CCAR1: variants seen among roughly 807,000 people sequenced by gnomAD.
CCAR1 encodes cell division cycle and apoptosis regulator protein 1.
In CCAR1, 78 loss-of-function variants were observed where a neutral mutation model predicts 163.8. That is an observed-to-expected ratio of 0.48 (90% CI 0.40 to 0.57). The LOEUF (loss-of-function observed/expected upper bound fraction) is 0.57, where lower values mean the gene tolerates loss of function less well. Among genes scored for constraint, CCAR1 ranks in the 20% least tolerant of loss-of-function variants. The probability of loss-of-function intolerance (pLI) is 0.00; values close to 1 mark genes in which losing one functional copy is unlikely to be tolerated. For synonymous variants in CCAR1, 443 were observed against 460.7 expected, an observed-to-expected ratio of 0.96 and a Z score of 0.49; for missense variants, 1,019 against 1,365.2, an observed-to-expected ratio of 0.75 and a Z score of 4.00.
chr10:68,742,367 G>GTTT lies in CCAR1; in HGVS notation c.325-7_325-5dup, dbSNP rs1454635743. 4.5e-6 allele frequency: 7 copies of GTTT among 1,571,556 alleles called. No individual in the cohort carries two copies. In the South Asian group the frequency reaches 8.2e-5, roughly 18 times the overall value. On this transcript the variant is annotated splice_polypyrimidine_tract_variant and intron_variant, in intron 5 of 24. Coordinates refer to ENST00000265872, the MANE Select transcript of CCAR1 (RefSeq NM_018237.4). ...ATTACCTTAATTTGATGTTGATTTT[G>GTTT]TTTTATAGCCAGCTGTTGCACTGCC...
chr10:68,771,597 C>G (rs548870765), intron 18 of CCAR1, 152 bp downstream of exon 18: 21 of 747,278 alleles, frequency 2.8e-5, no homozygotes, highest in Non-Finnish European at 4.0e-5. Context: ...TCACAGCTAA[C>G]ACAGTGAAAC....
At chr10:68,743,728 GTTTGTTTATTTATTTATTTA>G (rs1167540931) in intron 6 of CCAR1, among the ~76,000 whole-genome samples, 10 of 147,932 alleles carry the variant, frequency 6.8e-5, no homozygotes, top group South Asian at 2.2e-4. Context: ...TTATTTATTT[GTTTGTTTATTTATTTATTTA>G]TTTATTTATT....
intron 19 of CCAR1, among the ~76,000 whole-genome samples, chr10:68,782,844 C>G (rs746070721): frequency 6.6e-6 from 1 of 152,048 alleles, no homozygotes; most frequent in Non-Finnish European, 1.5e-5. Context: ...CTGTTGAGAT[C>G]TGCTCAGAAA....
At chr10:68,724,494 T>C (rs774667732) in intron 2 of CCAR1, among the ~76,000 whole-genome samples, 5 of 152,104 alleles carry the variant, frequency 3.3e-5, no homozygotes, top group Non-Finnish European at 7.4e-5. Context: ...CTCACTTTGT[T>C]ACCCAGGTGG....
At chr10:68,760,933 C>T in intron 15 of CCAR1, 74 bp from the exon 16 acceptor site, 1 of 510,748 alleles carries the variant, frequency 2.0e-6, no homozygotes, top group Non-Finnish European at 3.4e-6. Flanking sequence ...AGTTTGTTTC[C>T]TATTTCAATA....
chr10:68,762,473 A>C lies in CCAR1; in HGVS notation c.2106+1281A>C, dbSNP rs185373530. The stretch of plus-strand genomic sequence containing the variant: ...GATTGAGTCAAACCTTGAGACTCAG[A>C]CTATTTATTCAAGCTGTTTTATGCT... On this transcript the variant is annotated intron_variant, in intron 16 of 24. Transcript: ENST00000265872. Among the ~76,000 whole-genome samples the C allele has an allele frequency of 2.9e-3, 435 of 152,346 alleles. 3 individuals are homozygous for C. The highest frequency in any genetic ancestry group is 9.8e-3 in the African/African-American group (407 of 41,584).
chr10:68,772,859 C>G, intron 18 of CCAR1, 129 bp from the exon 19 acceptor site: 1 of 406,734 alleles, frequency 2.5e-6, no homozygotes, highest in Non-Finnish European at 4.4e-6. Context: ...GCCTATAATC[C>G]TAGCCCTTCA....
intron 12 of CCAR1, 66 bp from the exon 13 acceptor site, chr10:68,755,304 C>A: frequency 7.2e-7 from 1 of 1,396,014 alleles, no homozygotes; most frequent in Non-Finnish European, 1.0e-6. Flanking sequence ...CTTTCCTTCT[C>A]AAGTATCTTA....
At chr10:68,723,899 C>A (rs2055900281) in intron 2 of CCAR1, among the ~76,000 whole-genome samples, 2 of 151,626 alleles carry the variant, frequency 1.3e-5, no homozygotes, top group African/African-American at 4.8e-5. Flanking sequence ...TGGCTTGTGC[C>A]TGTAATCCCA....
At chr10:68,763,830 C>T (rs1008614737) in intron 16 of CCAR1, among the ~76,000 whole-genome samples, 1 of 152,140 alleles carries the variant, frequency 6.6e-6, no homozygotes, top group East Asian at 1.9e-4. Context: ...TTTGACATAC[C>T]TTCATCACTT....
chr10:68,722,750 C>T (rs774752744), intron 2 of CCAR1, among the ~76,000 whole-genome samples, 173 bp downstream of exon 2: 2 of 151,906 alleles, frequency 1.3e-5, no homozygotes, highest in Non-Finnish European at 2.9e-5. Context: ...GGTGAAACCC[C>T]GTCTCTACTA....
At chr10:68,782,170 C>G (rs1421908194) in intron 19 of CCAR1, among the ~76,000 whole-genome samples, 1 of 152,134 alleles carries the variant, frequency 6.6e-6, no homozygotes, top group Admixed American at 6.6e-5. Context: ...TAATTCTGAA[C>G]AAGGCCCTAA....
At position 68,766,087 on chromosome 10, in the gene CCAR1, T is replaced by A. The variant is rs2056531425; in HGVS notation, c.2298+8T>A. 3 of 1,570,992 alleles carry A rather than the reference T, an allele frequency of 1.9e-6. No individual in the cohort carries two copies. The highest frequency in any genetic ancestry group is 2.6e-6 in the Non-Finnish European group (3 of 1,142,062). The stretch of plus-strand genomic sequence containing the variant: ...AAAGAACATTCATTTGAGGTAATGT[T>A]TTAAGTTTGAAATAAGATCCATATA... On this transcript the variant is annotated splice_region_variant and intron_variant, in intron 17 of 24. Coordinates refer to ENST00000265872, the MANE Select transcript of CCAR1 (RefSeq NM_018237.4).
At chr10:68,779,739 T>G (rs1245948672) in intron 19 of CCAR1, among the ~76,000 whole-genome samples, 1 of 152,196 alleles carries the variant, frequency 6.6e-6, no homozygotes, top group Non-Finnish European at 1.5e-5. Flanking sequence ...TCAACATGAG[T>G]GATCATTCCA....
In CCAR1 at chr10:68,756,739, A is replaced by G. The variant is rs2056400661; in HGVS notation, c.1836+256A>G. ...TTAAATTGCACAGAATTTTGTTTTT[A>G]TCATAGGTCTAGTTGCTGGAATCTG... is the stretch of plus-strand genomic sequence containing the variant. On this transcript the variant is annotated intron_variant, in intron 14 of 24. Coordinates refer to ENST00000265872, the MANE Select transcript of CCAR1 (RefSeq NM_018237.4). The surrounding 1 kb of genome is among the most constrained non-coding windows in gnomAD (Gnocchi z 5.1). 5.7e-6 allele frequency: 3 copies of G among 522,254 alleles called. No individual in the cohort carries two copies. The highest frequency in any genetic ancestry group is 5.3e-5 in the Admixed American group (2 of 37,430). The allele number at this position is 522,254 out of a possible 1,614,324, so 32.4% of individuals were successfully genotyped here.
intron 2 of CCAR1, among the ~76,000 whole-genome samples, chr10:68,728,660 A>G (rs1299280114): frequency 6.6e-6 from 1 of 152,202 alleles, no homozygotes. Context: ...TCCTTATAGA[A>G]TAGCACTGTC....
chr10:68,747,176 A>G lies in CCAR1; in HGVS notation c.534A>G (p.Lys178=). Residue 178 remains lysine, a synonymous_variant, in exon 7 of 25, where the codon AAA becomes AAG. Transcript: ENST00000265872. ...TTTTTTACAGTGCTGTCAAAGGGAA[A>G]ACCCCCCAAGTAGGTGACAGAGTAT... is the stretch of plus-strand genomic sequence containing the variant. ...VFFQLSAVKG[K]TPQVGDRVLV... The G allele has an allele frequency of 6.3e-7, 1 of 1,586,586 alleles. No homozygotes were observed. Among genetic ancestry groups the G allele is most frequent in the Non-Finnish European group, 8.6e-7 (1 of 1,168,852 alleles).
At chr10:68,726,207 A>G (rs1164987538) in intron 2 of CCAR1, among the ~76,000 whole-genome samples, 1 of 147,680 alleles carries the variant, frequency 6.8e-6, no homozygotes, top group African/African-American at 2.5e-5. Context: ...GCTGGAGTGC[A>G]GTGGCATGAT....
At chr10:68,785,946 G>T (rs761159763) in intron 19 of CCAR1, among the ~76,000 whole-genome samples, 190 bp from the exon 20 acceptor site, 16 of 150,708 alleles carry the variant, frequency 1.1e-4, no homozygotes, top group Admixed American at 2.6e-4. Context: ...TTATGTTTTT[G>T]TTGTTGTTGT....
Sources: gnomAD v4.1 joint callset for allele counts (sites outside exome capture counted in the v4.1 genomes callset) on GRCh38, gnomAD v4.1.1 for gene constraint, Gnocchi (gnomAD v3.1) non-coding constraint, MANE v1.5 for transcripts, NCBI Gene and HGNC (gene_info 2026-07-23, HGNC 2026-07-21) for gene names.